The following CRACD variants were observed in gnomAD, a reference collection of about 807,000 sequenced individuals.
CRACD encodes the protein capping protein-inhibiting regulator of actin dynamics.
Under a neutral mutation model 106.8 loss-of-function variants are expected in CRACD, and 56 were observed. The observed-to-expected ratio is 0.52, with a 90% confidence interval of 0.42 to 0.66. The LOEUF is 0.66. Ranked by LOEUF, CRACD falls within the 30% of genes least tolerant of loss-of-function variation. The pLI, the probability that CRACD is intolerant of heterozygous loss-of-function variation, is 0.00. For missense variants in CRACD, 1,730 were observed against 1,623.2 expected (o/e 1.07, Z -1.13); for synonymous variants, 754 against 670.8 (o/e 1.12, Z -1.92).
chr4:56,067,057 A>G (rs1017143570), intron 1 of CRACD, among the ~76,000 whole-genome samples: 2 of 152,218 alleles, frequency 1.3e-5, no homozygotes, highest in Non-Finnish European at 2.9e-5. Flanking sequence ...GGAAAGTTGC[A>G]AAATAGAACA....
chr4:56,279,518 A>T (rs953870663), intron 3 of CRACD, among the ~76,000 whole-genome samples: 1 of 152,212 alleles, frequency 6.6e-6, no homozygotes, highest in Admixed American at 6.5e-5. Flanking sequence ...GAAGACATTT[A>T]TGCAGCCGAA....
chr4:56,243,560 T>C (rs1008389408), intron 2 of CRACD, among the ~76,000 whole-genome samples: 4 of 152,238 alleles, frequency 2.6e-5, no homozygotes, highest in Admixed American at 6.5e-5. Flanking sequence ...TACTGCATTA[T>C]AATTTTCTCC....
chr4:56,297,361 C>G (rs965445284), intron 3 of CRACD, among the ~76,000 whole-genome samples: 3 of 152,124 alleles, frequency 2.0e-5, no homozygotes, highest in Non-Finnish European at 2.9e-5. Flanking sequence ...CCTGTAATGC[C>G]AGTGCTTTGT....
At chr4:56,284,110 C>T (rs1441060424) in intron 3 of CRACD, among the ~76,000 whole-genome samples, 6 of 151,876 alleles carry the variant, frequency 4.0e-5, no homozygotes, top group Non-Finnish European at 7.4e-5. Context: ...CTACAGAAAA[C>T]CCACCTGGTA....
At position 56,316,324 on chromosome 4, in the gene CRACD, G is replaced by C; in HGVS notation, c.2822G>C (p.Ser941Thr). The stretch of plus-strand genomic sequence containing the variant: ...CACCCTGGGCCTCCACCGGCCAGCA[G>C]CCAGACCCCGGCTCCGGAGCACGAC... ...VAHPGPPPAS[S>T]QTPAPEHDKA... Residue 941 changes from serine (S) to threonine (T), a missense_variant, in exon 8 of 11, where the codon AGC (serine) becomes ACC (threonine). This residue lies in a region of CRACD where 1,620 missense variants were observed against 1,481.6 expected (regional missense o/e 1.09). Coordinates refer to ENST00000682029, the MANE Select transcript of CRACD (RefSeq NM_001393381.1). 6.2e-7 allele frequency: 1 copy of C among 1,614,022 alleles called. No individual in the cohort carries two copies. The highest frequency in any genetic ancestry group is 8.5e-7 in the Non-Finnish European group (1 of 1,179,906).
intron 2 of CRACD, among the ~76,000 whole-genome samples, chr4:56,192,190 G>A (rs568947894): frequency 3.9e-5 from 6 of 152,206 alleles, no homozygotes; most frequent in South Asian, 4.1e-4. Flanking sequence ...TCAGGAGTTC[G>A]AGACCAGCCT....
chr4:56,261,166 G>T (rs1741679586), intron 2 of CRACD, among the ~76,000 whole-genome samples: 1 of 152,116 alleles, frequency 6.6e-6, no homozygotes, highest in African/African-American at 2.4e-5. Flanking sequence ...GAAGTAGCAG[G>T]CAGCTCCCCT....
chr4:56,049,414 G>A (rs957607441), intron 1 of CRACD, 115 bp downstream of exon 1: 4 of 151,968 alleles, frequency 2.6e-5, no homozygotes, highest in Non-Finnish European at 5.9e-5. Flanking sequence ...GACTCCAGGG[G>A]ACCTGGCCCC....
intron 1 of CRACD, chr4:56,049,846 T>A (rs1193120417): frequency 6.6e-6 from 1 of 152,210 alleles, no homozygotes; most frequent in East Asian, 1.9e-4. Context: ...AGGTTTCCCC[T>A]GTTTACCAAG....
chr4:56,169,073 T>A (rs1167176168), intron 1 of CRACD, among the ~76,000 whole-genome samples: 2 of 152,168 alleles, frequency 1.3e-5, no homozygotes, highest in Non-Finnish European at 2.9e-5. Flanking sequence ...GTAAGATTCA[T>A]TAGGGGCTGA....
chr4:56,311,470 A>G (rs922705647), intron 6 of CRACD: 10 of 152,242 alleles, frequency 6.6e-5, no homozygotes, highest in Non-Finnish European at 1.2e-4. Context: ...TATGTCTTCA[A>G]TCTGTCACAT....
chr4:56,206,768 G>A (rs1188116813), intron 2 of CRACD, among the ~76,000 whole-genome samples: 1 of 152,100 alleles, frequency 6.6e-6, no homozygotes, highest in African/African-American at 2.4e-5. Flanking sequence ...TGTCCCTTAG[G>A]TGAGAGTGTA....
chr4:56,111,602 C>T (rs2412731), intron 1 of CRACD, among the ~76,000 whole-genome samples: 66,212 of 151,918 alleles, frequency 0.44, 14,849 homozygotes, highest in African/African-American at 0.53. Flanking sequence ...AGTGCAGTGG[C>T]GCAATCTTGG....
chr4:56,273,454 C>T (rs114939094), intron 3 of CRACD, among the ~76,000 whole-genome samples: 224 of 151,156 alleles, frequency 1.5e-3, no homozygotes, highest in African/African-American at 4.9e-3. Context: ...TTCCCCGCCT[C>T]TTAGAACACA....
intron 5 of CRACD, among the ~76,000 whole-genome samples, chr4:56,308,550 T>C (rs1744911727): frequency 1.3e-5 from 2 of 151,866 alleles, no homozygotes; most frequent in South Asian, 4.2e-4. Flanking sequence ...TTTTGTTGGG[T>C]GTTATTAAAA....
chr4:56,082,617 A>G (rs1322089656), intron 1 of CRACD, among the ~76,000 whole-genome samples: 3 of 152,084 alleles, frequency 2.0e-5, no homozygotes, highest in African/African-American at 7.2e-5. Flanking sequence ...AGGAAACAGA[A>G]CTCAAAGATG....
chr4:56,306,592 A>G (rs1052811904), intron 4 of CRACD, among the ~76,000 whole-genome samples: 2 of 152,254 alleles, frequency 1.3e-5, no homozygotes, highest in Non-Finnish European at 1.5e-5. Context: ...TATAATGACT[A>G]TGTAACCCAA....
chr4:56,281,767 G>A (rs1401171606), intron 3 of CRACD, among the ~76,000 whole-genome samples: 1 of 152,190 alleles, frequency 6.6e-6, no homozygotes, highest in Non-Finnish European at 1.5e-5. Context: ...TAGCATGGAA[G>A]CCTGTGAAGT....
chr4:56,099,121 G>A (rs1283695526), intron 1 of CRACD, among the ~76,000 whole-genome samples: 2 of 152,192 alleles, frequency 1.3e-5, no homozygotes, highest in Non-Finnish European at 2.9e-5. Context: ...AAGAATGGGT[G>A]ACTGTGGACC....
Sources: gnomAD v4.1 joint callset for allele counts (sites outside exome capture counted in the v4.1 genomes callset) on GRCh38, gnomAD v4.1.1 for gene constraint, gnomAD v4.1.1 regional missense constraint, MANE v1.5 for transcripts, NCBI Gene and HGNC (gene_info 2026-07-23, HGNC 2026-07-21) for gene names.